Variants in CDYL2 observed in about 807,000 individuals in gnomAD.
The protein encoded by CDYL2 is chromodomain Y-like protein 2.
In CDYL2, 23 loss-of-function variants were observed where a neutral mutation model predicts 49.4. The ratio of observed to expected loss-of-function variants is 0.47; its 90% CI spans 0.34 to 0.66. CDYL2 has a LOEUF of 0.66. CDYL2 is among the 30% of genes least tolerant of loss of function. CDYL2 has a pLI of 0.01. For missense variants in CDYL2, 678 were observed against 656.4 expected (o/e 1.03, Z -0.36); for synonymous variants, 360 against 268.8 (o/e 1.34, Z -3.32).
intron 1 of CDYL2, among the ~76,000 whole-genome samples, chr16:80,712,187 G>GTATATATATATATATATA (rs1464649825): frequency 0.058 from 2,157 of 37,152 alleles, 100 homozygotes; most frequent in South Asian, 0.071. Flanking sequence ...TTGTGTCTGT[G>GTATATATATATATATATA]TGTGTATATA....
rs974514962 is a variant in CDYL2, at chr16:80,804,490, C to CGCGACCCG, written c.-325_-318dup. Among the ~76,000 whole-genome samples the CGCGACCCG allele has an allele frequency of 2.8e-5, 4 of 144,656 alleles. No individual in the cohort carries two copies. The East Asian group carries it at 8.4e-4, about 30-fold the overall frequency. The allele number at this position is 144,656 out of a possible 152,430, so 94.9% of individuals were successfully genotyped here. ...GACGCGGCCCGAGCGCCGCGGCCCCCGCGACCCGGCGACCCGGCGGCGGTG... is the reference window on the plus strand; with the variant it reads ...GACGCGGCCCGAGCGCCGCGGCCCCCGCGACCCGGCGACCCGGCGACCCGGCGGCGGTG... On this transcript the variant is annotated 5_prime_UTR_variant, in exon 1 of 7. Transcript: ENST00000570137.
intron 3 of CDYL2, 140 bp downstream of exon 3, chr16:80,632,879 G>A: frequency 1.4e-6 from 1 of 699,460 alleles, no homozygotes; most frequent in South Asian, 1.8e-5. Context: ...TGAGCAAATT[G>A]CGCGCTGCAG....
chr16:80,777,254 T>C (rs148437655), intron 1 of CDYL2, among the ~76,000 whole-genome samples: 2 of 152,284 alleles, frequency 1.3e-5, no homozygotes, highest in East Asian at 3.9e-4. Context: ...TTTAAAACTA[T>C]GTGTCGAGTA....
Position 80,784,435 on chromosome 16 carries a change from T to C in CDYL2, c.24+19715A>G, listed in dbSNP as rs567789411. ...ATGAGACTAAATTAACTAAAAGTAG[T>C]GTCCAAATTATGAGAAGTGAACTTT... is the stretch of plus-strand genomic sequence containing the variant. On this transcript the variant is annotated intron_variant, in intron 1 of 6. Transcript: ENST00000570137. Among the ~76,000 whole-genome samples the C allele has an allele frequency of 1.4e-3, 211 of 152,314 alleles. 1 individual carries two copies. Among genetic ancestry groups the C allele is most frequent in the Non-Finnish European group, 2.5e-3 (167 of 68,024 alleles).
intron 1 of CDYL2, among the ~76,000 whole-genome samples, chr16:80,787,179 CTAGTT>C (rs1378829371): frequency 6.6e-6 from 1 of 152,070 alleles, no homozygotes; most frequent in African/African-American, 2.4e-5. Context: ...TGCCGGGAGT[CTAGTT>C]AAGAGACTAT....
chr16:80,625,740 A>T (rs1418260209), intron 3 of CDYL2, among the ~76,000 whole-genome samples: 1 of 152,232 alleles, frequency 6.6e-6, no homozygotes, highest in Non-Finnish European at 1.5e-5. Flanking sequence ...ACAGAGGGCA[A>T]ATATTTAACC....
At chr16:80,736,977 A>C (rs1905555068) in intron 1 of CDYL2, among the ~76,000 whole-genome samples, 1 of 152,158 alleles carries the variant, frequency 6.6e-6, no homozygotes, top group Non-Finnish European at 1.5e-5. Flanking sequence ...CATCGTATTC[A>C]GATTTGGGAT....
chr16:80,631,056 T>A (rs1907539229), intron 3 of CDYL2, among the ~76,000 whole-genome samples: 1 of 152,154 alleles, frequency 6.6e-6, no homozygotes, highest in South Asian at 2.1e-4. Context: ...CGGAGTTAAA[T>A]GTCTTCAGTG....
chr16:80,629,468 TC>T (rs1355732358), intron 3 of CDYL2, among the ~76,000 whole-genome samples: 2 of 152,324 alleles, frequency 1.3e-5, no homozygotes, highest in Non-Finnish European at 2.9e-5. Context: ...TCTGCTGTGT[TC>T]CTGAGAGTAG....
At chr16:80,694,610 A>G (rs531316648) in intron 1 of CDYL2, among the ~76,000 whole-genome samples, 37 of 152,338 alleles carry the variant, frequency 2.4e-4, no homozygotes, top group Non-Finnish European at 4.6e-4. Flanking sequence ...ACATATAAAC[A>G]TGGAAATATA....
rs542619896 is a variant in CDYL2 at position 80,672,350 on chromosome 16, C to CAGAGAGAG, written c.616+12187_616+12188insCTCTCTCT. 2.9e-5 allele frequency among the ~76,000 whole-genome samples: 3 copies of CAGAGAGAG among 103,868 alleles called. No homozygotes were observed. The South Asian group carries it at 9.0e-4, about 31-fold the overall frequency. 68.1% of individuals were successfully genotyped at this position (103,868 alleles called of 152,430 possible). A position where few individuals can be genotyped will look rare whatever the true frequency, so the allele number is the denominator to read the frequency against. On this transcript the variant is annotated intron_variant, in intron 2 of 6. Coordinates refer to ENST00000570137, the MANE Select transcript of CDYL2 (RefSeq NM_152342.4). Reference sequence around the variant, plus strand: ...ACACACACACACACACACACACACACACAGAGAGAGAGAGAGAGATGAGTA... The same window carrying CAGAGAGAG: ...ACACACACACACACACACACACACACAGAGAGAGACAGAGAGAGAGAGAGAGATGAGTA...
intron 1 of CDYL2, among the ~76,000 whole-genome samples, chr16:80,710,428 C>G (rs147480648): frequency 4.6e-5 from 7 of 152,218 alleles, no homozygotes; most frequent in Admixed American, 4.6e-4. Flanking sequence ...ACTCTAAGGA[C>G]ATAATTGAAT....
intron 1 of CDYL2, among the ~76,000 whole-genome samples, chr16:80,686,904 C>A (rs1281778193): frequency 6.6e-6 from 1 of 152,114 alleles, no homozygotes; most frequent in East Asian, 1.9e-4. Context: ...GGGAACAGGT[C>A]TTTTAGATTT....
chr16:80,639,165 C>T (rs1361961923), intron 2 of CDYL2, among the ~76,000 whole-genome samples: 1 of 152,188 alleles, frequency 6.6e-6, no homozygotes, highest in East Asian at 1.9e-4. Context: ...CCACTACACA[C>T]ATTAGACTAG....
chr16:80,628,814 T>A (rs1475727133), intron 3 of CDYL2, among the ~76,000 whole-genome samples: 3 of 152,106 alleles, frequency 2.0e-5, no homozygotes, highest in Admixed American at 2.0e-4. Context: ...CCAGTCTTTA[T>A]CCCCAAGAAG....
intron 2 of CDYL2, among the ~76,000 whole-genome samples, chr16:80,674,948 A>C (rs75690435): frequency 6.6e-6 from 1 of 152,172 alleles, no homozygotes; most frequent in Non-Finnish European, 1.5e-5. Context: ...TGATGTGTGC[A>C]TGAGTGTGTG....
rs149892572 is a variant in CDYL2, at chr16:80,616,475, G to C, written c.1008-3639C>G. 4.8e-3 allele frequency among the ~76,000 whole-genome samples: 734 copies of C among 152,300 alleles called. 4 individuals are homozygous for C. Among genetic ancestry groups the C allele is most frequent in the African/African-American group, 0.016 (679 of 41,546 alleles). On this transcript the variant is annotated intron_variant, in intron 4 of 6. Transcript: ENST00000570137. ...CAGCAGCAAAATTCTGCTCACAGGA[G>C]TGCCTCAATTTCCCCTGGAGCAATC...
intron 2 of CDYL2, among the ~76,000 whole-genome samples, chr16:80,679,491 A>G (rs1308770904): frequency 1.3e-5 from 2 of 152,128 alleles, no homozygotes; most frequent in African/African-American, 2.4e-5. Context: ...CCTAATTCCA[A>G]CCTGGACACT....
At chr16:80,610,148 T>C (rs966922352) in intron 5 of CDYL2, among the ~76,000 whole-genome samples, 27 of 152,168 alleles carry the variant, frequency 1.8e-4, no homozygotes, top group Admixed American at 3.9e-4. Flanking sequence ...AAAGGGACAA[T>C]GCTTATCAGC....
Sources: allele counts gnomAD v4.1 joint callset (sites outside exome capture counted in the v4.1 genomes callset), GRCh38; gene constraint gnomAD v4.1.1; transcripts MANE v1.5; gene names NCBI Gene and HGNC (gene_info 2026-07-23, HGNC 2026-07-21).